The following CSGALNACT1 variants were observed in gnomAD, a reference collection of about 807,000 sequenced individuals.
The protein encoded by CSGALNACT1 is chondroitin sulfate N-acetylgalactosaminyltransferase 1, also known as beta4GalNAcT-1.
Under a neutral mutation model 51.0 loss-of-function variants are expected in CSGALNACT1, and 52 were observed. That is an observed-to-expected ratio of 1.02 (90% confidence interval 0.82 to 1.29). The LOEUF is 1.29. Ranked by LOEUF, CSGALNACT1 falls within the 50% of genes most tolerant of loss-of-function variation. The probability of loss-of-function intolerance (pLI) is 0.00; values close to 1 mark genes in which losing one functional copy is unlikely to be tolerated. For synonymous variants in CSGALNACT1, 341 were observed against 254.4 expected (o/e 1.34, Z -3.24); for missense variants, 935 against 679.2 (o/e 1.38, Z -4.19).
intron 3 of CSGALNACT1, among the ~76,000 whole-genome samples, chr8:19,562,853 T>C (rs2041081506): frequency 6.6e-6 from 1 of 152,204 alleles, no homozygotes; most frequent in African/African-American, 2.4e-5. Context: ...GTTCAACCAT[T>C]GTGGATGACA....
chr8:19,636,517 T>G (rs1295598424), intron 1 of CSGALNACT1, among the ~76,000 whole-genome samples: 4 of 152,144 alleles, frequency 2.6e-5, no homozygotes, highest in Admixed American at 2.6e-4. Flanking sequence ...TAGAAAATGG[T>G]GGACAGTTTT....
At chr8:19,685,614 G>C (rs776314892), upstream of CSGALNACT1, among the ~76,000 whole-genome samples, 6 of 152,218 alleles carry the variant, frequency 3.9e-5, no homozygotes, top group Admixed American at 2.6e-4. Flanking sequence ...ACAGTGCCCT[G>C]AACTATCAAC....
chr8:19,503,502 T>C (rs527819594), intron 4 of CSGALNACT1, among the ~76,000 whole-genome samples: 95 of 152,284 alleles, frequency 6.2e-4, no homozygotes, highest in African/African-American at 2.0e-3. Context: ...TGCAATCAAG[T>C]TCTTTTGAAA....
At chr8:19,537,313 C>T (rs990927668) in intron 3 of CSGALNACT1, among the ~76,000 whole-genome samples, 6 of 152,138 alleles carry the variant, frequency 3.9e-5, no homozygotes, top group African/African-American at 1.4e-4. Flanking sequence ...GTCTCTAAGC[C>T]AGTTTGTCTG....
chr8:19,696,823 G>C (rs2061607724), intron 1 of CSGALNACT1, among the ~76,000 whole-genome samples: 1 of 152,220 alleles, frequency 6.6e-6, no homozygotes. Flanking sequence ...CACTGTTACA[G>C]AGAAAGCTTA....
chr8:19,649,618 C>T (rs190244330), intron 1 of CSGALNACT1, among the ~76,000 whole-genome samples: 11 of 151,652 alleles, frequency 7.3e-5, no homozygotes, highest in East Asian at 3.9e-4. Context: ...TTCACAGTTA[C>T]GAATACATGC....
At chr8:19,421,574 C>G (rs769487080) in intron 6 of CSGALNACT1, among the ~76,000 whole-genome samples, 3 of 152,200 alleles carry the variant, frequency 2.0e-5, no homozygotes, top group Non-Finnish European at 1.5e-5. Flanking sequence ...CTGGCCTATC[C>G]CCATGCCCCA....
At chr8:19,493,797 G>T (rs2074901347) in intron 4 of CSGALNACT1, among the ~76,000 whole-genome samples, 1 of 151,930 alleles carries the variant, frequency 6.6e-6, no homozygotes. Context: ...AAGCTACCAT[G>T]AATATTCACA....
rs1407587475 is a variant in CSGALNACT1 at position 19,600,357 on chromosome 8, G to A, written c.-416+1414C>T. On this transcript the variant is annotated intron_variant, in intron 2 of 9. Coordinates refer to ENST00000454498, the Ensembl canonical transcript of CSGALNACT1. Reference sequence around the variant, plus strand: ...GGTCTCCCAAAGTGCTGGGATTATAGGAGTGAGCCACCGCACCCAGCCTAC... The same window carrying A: ...GGTCTCCCAAAGTGCTGGGATTATAAGAGTGAGCCACCGCACCCAGCCTAC... Among the ~76,000 whole-genome samples the A allele has an allele frequency of 5.3e-5, 8 of 152,298 alleles. No individual in the cohort carries two copies. In the South Asian group the frequency reaches 1.0e-3, roughly 20 times the overall value.
chr8:19,582,458 C>G (rs369240061), intron 3 of CSGALNACT1, among the ~76,000 whole-genome samples: 24 of 152,288 alleles, frequency 1.6e-4, no homozygotes, highest in African/African-American at 5.8e-4. Context: ...CTGAGAGCAC[C>G]TAGTAAAACC....
At chr8:19,498,376 T>C (rs2075837294) in intron 4 of CSGALNACT1, among the ~76,000 whole-genome samples, 1 of 152,112 alleles carries the variant, frequency 6.6e-6, no homozygotes, top group Admixed American at 6.5e-5. Context: ...AAAACTTCCA[T>C]CCTTTCCCAA....
chr8:19,641,345 C>G (rs2056727082), intron 1 of CSGALNACT1, among the ~76,000 whole-genome samples: 1 of 152,028 alleles, frequency 6.6e-6, no homozygotes, highest in Non-Finnish European at 1.5e-5. Flanking sequence ...CAAATCACAT[C>G]AGATTTACAA....
intron 2 of CSGALNACT1, among the ~76,000 whole-genome samples, chr8:19,600,745 C>A (rs76807082): frequency 0.023 from 3,418 of 151,286 alleles, 51 homozygotes; most frequent in Middle Eastern, 0.042. Flanking sequence ...CATTTAAGTA[C>A]AGGGCAGTTC....
intron 4 of CSGALNACT1, among the ~76,000 whole-genome samples, chr8:19,482,685 T>TC: frequency 6.6e-6 from 1 of 152,290 alleles, no homozygotes; most frequent in East Asian, 1.9e-4. Context: ...TTGTGGGTGG[T>TC]CCTCAAAGTT....
At position 19,757,453 on chromosome 8, in the gene CSGALNACT1, C is replaced by G. The variant is rs1486484137; in HGVS notation, c.-297+397G>C. On this transcript the variant is annotated intron_variant, in intron 1 of 1. Transcript: ENST00000517494. The surrounding 1 kb of genome is among the most constrained non-coding windows in gnomAD (Gnocchi z 4.0). The stretch of plus-strand genomic sequence containing the variant: ...GGGGTCGCGGTTGGCCGCGTACCTC[C>G]GCGTCACCCACGGCCTCTCTGCAGT... 2 of 152,626 alleles carry G rather than the reference C, an allele frequency of 1.3e-5. No individual in the cohort carries two copies. Among genetic ancestry groups the G allele is most frequent in the African/African-American group, 4.8e-5 (2 of 41,434 alleles). The allele number at this position is 152,626 out of a possible 1,614,324, so 9.5% of individuals were successfully genotyped here.
rs183605638 is a variant in CSGALNACT1, at chr8:19,581,626, A to C, written c.-297+9534T>G. Among the ~76,000 whole-genome samples, 395 of 152,014 alleles carry C rather than the reference A, an allele frequency of 2.6e-3. 10 individuals carry two copies. Among genetic ancestry groups the C allele is most frequent in the Admixed American group, 0.023 (356 of 15,262 alleles). On this transcript the variant is annotated intron_variant, in intron 3 of 9. Coordinates refer to ENST00000454498, the Ensembl canonical transcript of CSGALNACT1. Reference sequence around the variant, plus strand: ...GTCTAAAAACAAAACAAAACAAAACAAAAAAAACTGGCACTTACTGTATAA... The same window carrying C: ...GTCTAAAAACAAAACAAAACAAAACCAAAAAAACTGGCACTTACTGTATAA...
chr8:19,411,185 G>C (rs2055635751), intron 8 of CSGALNACT1, among the ~76,000 whole-genome samples: 1 of 152,182 alleles, frequency 6.6e-6, no homozygotes, highest in African/African-American at 2.4e-5. Context: ...TATTCAGAGT[G>C]GTCGTCCTGA....
chr8:19,603,665 T>C (rs373925101), upstream of CSGALNACT1, among the ~76,000 whole-genome samples: 113 of 152,374 alleles, frequency 7.4e-4, 2 homozygotes, highest in African/African-American at 2.6e-3. Context: ...TCTCACATTC[T>C]GATTCCCAAC....
chr8:19,681,454 CACA>C (rs2060613633), intron 1 of CSGALNACT1, among the ~76,000 whole-genome samples: 1 of 152,094 alleles, frequency 6.6e-6, no homozygotes, highest in African/African-American at 2.4e-5. Context: ...TCGCCACCAG[CACA>C]ACATTAAAAG....
Sources: allele counts gnomAD v4.1 joint callset (sites outside exome capture counted in the v4.1 genomes callset), GRCh38; gene constraint gnomAD v4.1.1; non-coding constraint Gnocchi (gnomAD v3.1); transcripts MANE v1.5; gene names NCBI Gene and HGNC (gene_info 2026-07-23, HGNC 2026-07-21).